The following MAP2K5 variants were observed in gnomAD, a reference collection of about 807,000 sequenced individuals.
MAP2K5 encodes the protein dual specificity mitogen-activated protein kinase kinase 5.
Under a neutral mutation model 83.1 loss-of-function variants are expected in MAP2K5, and 49 were observed. That is an observed-to-expected ratio of 0.59 (90% confidence interval 0.47 to 0.75). The LOEUF is 0.75. Ranked by LOEUF, MAP2K5 falls within the 30% of genes least tolerant of loss-of-function variation. MAP2K5 has a pLI of 0.00. For missense variants in MAP2K5, 457 were observed against 557.5 expected (o/e 0.82, Z 1.82); for synonymous variants, 202 against 191.8 (o/e 1.05, Z -0.44).
At chr15:67,692,854 C>G (rs1257582610) in intron 14 of MAP2K5, among the ~76,000 whole-genome samples, 1 of 152,164 alleles carries the variant, frequency 6.6e-6, no homozygotes, top group East Asian at 1.9e-4. Context: ...AAAGGGAGGG[C>G]AGAGTGGGAG....
At chr15:67,767,588 G>A (rs1192886281) in intron 19 of MAP2K5, among the ~76,000 whole-genome samples, 1 of 152,150 alleles carries the variant, frequency 6.6e-6, no homozygotes, top group Non-Finnish European at 1.5e-5. Context: ...ACAGTAAAAT[G>A]TCATTTCTTG....
chr15:67,769,699 T>C lies in MAP2K5; in HGVS notation c.1196+36T>C. The stretch of plus-strand genomic sequence containing the variant: ...TTACAAACATGCCATGCCCTCAATG[T>C]AAATGATACATGCCATTAACTCGGC... On this transcript the variant is annotated intron_variant, in intron 20 of 21. Transcript: ENST00000178640. This position sits in a 1 kb window ranked among gnomAD's most constrained non-coding sequence, Gnocchi z 5.2. 1 of 1,603,250 alleles carries C rather than the reference T, an allele frequency of 6.2e-7. No homozygotes were observed. The highest frequency in any genetic ancestry group is 8.5e-7 in the Non-Finnish European group (1 of 1,170,454).
rs993681659 is a variant in MAP2K5 at position 67,677,701 on chromosome 15, C to A, written c.847+13056C>A. Reference sequence around the variant, plus strand: ...GACCTGGCTTTTCCTAAACACTGACCAGAATATGTACACATCACAGGTAGG... The same window carrying A: ...GACCTGGCTTTTCCTAAACACTGACAAGAATATGTACACATCACAGGTAGG... On this transcript the variant is annotated intron_variant, in intron 13 of 21. Transcript: ENST00000178640. The surrounding 1 kb of genome is among the most constrained non-coding windows in gnomAD (Gnocchi z 4.2). Among the ~76,000 whole-genome samples, 1 of 152,104 alleles carries A rather than the reference C, an allele frequency of 6.6e-6. No homozygotes were observed. Among genetic ancestry groups the A allele is most frequent in the African/African-American group, 2.4e-5 (1 of 41,394 alleles).
At chr15:67,620,096 G>A (rs918883296) in intron 8 of MAP2K5, among the ~76,000 whole-genome samples, 1 of 152,166 alleles carries the variant, frequency 6.6e-6, no homozygotes, top group Non-Finnish European at 1.5e-5. Context: ...AGTAGGCCAT[G>A]TGCAGCGGCT....
chr15:67,695,894 G>A lies in MAP2K5; in HGVS notation c.972+2326G>A, dbSNP rs192574590. 2.3e-3 allele frequency among the ~76,000 whole-genome samples: 354 copies of A among 152,216 alleles called. 9 individuals carry two copies. The highest frequency in any genetic ancestry group is 5.6e-4 in the Non-Finnish European group (38 of 68,002). ...CTTCTTAGGTGAGTGAATTCTAGTCGTCAGCTTTGTAGTTCAAGCTATAAA... is the reference window on the plus strand; with the variant it reads ...CTTCTTAGGTGAGTGAATTCTAGTCATCAGCTTTGTAGTTCAAGCTATAAA... On this transcript the variant is annotated intron_variant, in intron 15 of 21. Coordinates refer to ENST00000178640, the MANE Select transcript of MAP2K5 (RefSeq NM_145160.3).
At position 67,758,410 on chromosome 15, in the gene MAP2K5, G is replaced by C. The variant is rs1860321905; in HGVS notation, c.1134+9809G>C. Among the ~76,000 whole-genome samples the C allele has an allele frequency of 1.3e-5, 2 of 152,100 alleles. No homozygotes were observed. The highest frequency in any genetic ancestry group is 4.8e-5 in the African/African-American group (2 of 41,398). On this transcript the variant is annotated intron_variant, in intron 19 of 21. Transcript: ENST00000178640. The surrounding 1 kb of genome is among the most constrained non-coding windows in gnomAD (Gnocchi z 4.7). Reference sequence around the variant, plus strand: ...GAGAGGCATTTTCAAGGGATGAGATGATTAGCATTCTGTTCTTGGGAGATC... The same window carrying C: ...GAGAGGCATTTTCAAGGGATGAGATCATTAGCATTCTGTTCTTGGGAGATC...
rs1031597559 is a variant in MAP2K5 at position 67,669,621 on chromosome 15, A to G, written c.847+4976A>G. On this transcript the variant is annotated intron_variant, in intron 13 of 21. Coordinates refer to ENST00000178640, the MANE Select transcript of MAP2K5 (RefSeq NM_145160.3). ...GGGCCCAGATCAGGGAGATAGTTAT[A>G]AAGATGGGGAGAAGTGGTGATTCTG... Among the ~76,000 whole-genome samples the G allele has an allele frequency of 3.4e-4, 52 of 152,148 alleles. 1 individual carries two copies. The highest frequency in any genetic ancestry group is 1.2e-3 in the African/African-American group (49 of 41,442).
intron 13 of MAP2K5, among the ~76,000 whole-genome samples, chr15:67,669,518 G>A (rs897964319): frequency 6.6e-6 from 1 of 152,124 alleles, no homozygotes; most frequent in Non-Finnish European, 1.5e-5. Context: ...AGAGGCCAGT[G>A]TGTCTGTATC....
chr15:67,575,988 C>T lies in MAP2K5; in HGVS notation c.253-4766C>T, dbSNP rs1214815240. Among the ~76,000 whole-genome samples the T allele has an allele frequency of 4.2e-5, 6 of 141,412 alleles. 1 individual carries two copies. In the South Asian group the frequency reaches 9.3e-4, roughly 22 times the overall value. 92.8% of individuals were successfully genotyped at this position (141,412 alleles called of 152,430 possible). On this transcript the variant is annotated intron_variant, in intron 3 of 21. Coordinates refer to ENST00000178640, the MANE Select transcript of MAP2K5 (RefSeq NM_145160.3). ...AGGCTGGAGTGCAATGGCACGATCT[C>T]GGCTCACTGCAACCTCTGCCTCCTG...
intron 3 of MAP2K5, among the ~76,000 whole-genome samples, chr15:67,564,296 C>T (rs1052886128): frequency 2.6e-5 from 4 of 152,094 alleles, no homozygotes; most frequent in African/African-American, 9.7e-5. Flanking sequence ...GATGTGAAAG[C>T]CCTTTGAAAA....
intron 13 of MAP2K5, among the ~76,000 whole-genome samples, chr15:67,681,009 T>C (rs1053375382): frequency 6.6e-6 from 1 of 152,244 alleles, no homozygotes; most frequent in Non-Finnish European, 1.5e-5. Flanking sequence ...TCATCATTAC[T>C]GATTCTACAA....
chr15:67,732,106 C>T (rs779385711), intron 17 of MAP2K5, among the ~76,000 whole-genome samples: 5 of 152,076 alleles, frequency 3.3e-5, no homozygotes, highest in Non-Finnish European at 5.9e-5. Context: ...AAATATCTTG[C>T]GAACAGTTTC....
chr15:67,581,065 C>G (rs1489314441), intron 4 of MAP2K5, among the ~76,000 whole-genome samples: 1 of 152,128 alleles, frequency 6.6e-6, no homozygotes. Flanking sequence ...TACATACTTA[C>G]ATTAGCTTAA....
chr15:67,769,120 T>C lies in MAP2K5; in HGVS notation c.1135-482T>C, dbSNP rs1272120282. 7.3e-6 allele frequency among the ~76,000 whole-genome samples: 1 copy of C among 137,396 alleles called. No homozygotes were observed. The highest frequency in any genetic ancestry group is 2.1e-4 in the East Asian group (1 of 4,720). 90.1% of individuals were successfully genotyped at this position (137,396 alleles called of 152,430 possible). A position where few individuals can be genotyped will look rare whatever the true frequency, so the allele number is the denominator to read the frequency against. On this transcript the variant is annotated intron_variant, in intron 19 of 21. Transcript: ENST00000178640. This position sits in a 1 kb window ranked among gnomAD's most constrained non-coding sequence, Gnocchi z 5.2. ...TTTCTATTAAAGTAAAAAAAAAAAATTGATCCAAATTATTCTGTTAGGGGC... is the reference window on the plus strand; with the variant it reads ...TTTCTATTAAAGTAAAAAAAAAAAACTGATCCAAATTATTCTGTTAGGGGC...
Position 67,665,910 on chromosome 15 carries a change from A to T in MAP2K5, c.847+1265A>T, listed in dbSNP as rs1424382517. ...GTAAGAGATAACAGTATTCAACATG[A>T]TATAACTTATATTGTTTCTATTCCC... On this transcript the variant is annotated intron_variant, in intron 13 of 21. Coordinates refer to ENST00000178640, the MANE Select transcript of MAP2K5 (RefSeq NM_145160.3). The surrounding 1 kb of genome is among the most constrained non-coding windows in gnomAD (Gnocchi z 4.2). Among the ~76,000 whole-genome samples the T allele has an allele frequency of 2.0e-5, 3 of 152,146 alleles. No individual in the cohort carries two copies. Among genetic ancestry groups the T allele is most frequent in the Non-Finnish European group, 4.4e-5 (3 of 68,024 alleles).
rs915700677 is a variant in MAP2K5, at chr15:67,668,559, C to T, written c.847+3914C>T. Reference sequence around the variant, plus strand: ...AGCTTCACTTCAAAACATACATCGCCACTAATGAGGTGAGAGCCCTGCATA... The same window carrying T: ...AGCTTCACTTCAAAACATACATCGCTACTAATGAGGTGAGAGCCCTGCATA... On this transcript the variant is annotated intron_variant, in intron 13 of 21. Coordinates refer to ENST00000178640, the MANE Select transcript of MAP2K5 (RefSeq NM_145160.3). The surrounding 1 kb of genome is among the most constrained non-coding windows in gnomAD (Gnocchi z 4.0). 2.0e-5 allele frequency among the ~76,000 whole-genome samples: 3 copies of T among 152,190 alleles called. No homozygotes were observed. In the East Asian group the frequency reaches 5.8e-4, roughly 29 times the overall value.
intron 8 of MAP2K5, among the ~76,000 whole-genome samples, chr15:67,607,845 T>A (rs2085814622): frequency 1.3e-5 from 2 of 152,166 alleles, no homozygotes; most frequent in Non-Finnish European, 2.9e-5. Flanking sequence ...ACTTGATTAC[T>A]ATGGGTAACA....
chr15:67,585,334 C>G (rs2141001328), intron 4 of MAP2K5, among the ~76,000 whole-genome samples: 1 of 152,248 alleles, frequency 6.6e-6, no homozygotes, highest in Admixed American at 6.5e-5. Flanking sequence ...AGGACTAAAT[C>G]TTAGCATATG....
intron 19 of MAP2K5, among the ~76,000 whole-genome samples, chr15:67,767,702 G>A (rs142952920): frequency 3.9e-5 from 6 of 152,120 alleles, no homozygotes; most frequent in Non-Finnish European, 8.8e-5. Flanking sequence ...TCTTCAAACC[G>A]ATGGGACTTC....
Sources: allele counts gnomAD v4.1 joint callset (sites outside exome capture counted in the v4.1 genomes callset), GRCh38; gene constraint gnomAD v4.1.1; non-coding constraint Gnocchi (gnomAD v3.1); transcripts MANE v1.5; gene names NCBI Gene and HGNC (gene_info 2026-07-23, HGNC 2026-07-21).